Variants in GCNT1 observed in about 807,000 individuals in gnomAD.
GCNT1 encodes the protein glucosaminyl (N-acetyl) transferase 1, also known as beta-1,3-galactosyl-O-glycosyl-glycoprotein beta-1,6-N-acetylglucosaminyltransferase.
A neutral mutation model predicts 26.2 loss-of-function variants in GCNT1; 16 were observed. The ratio of observed to expected loss-of-function variants is 0.61; its 90% confidence interval spans 0.41 to 0.93. GCNT1 has a LOEUF of 0.93. GCNT1 is among the 40% of genes least tolerant of loss of function. The pLI is 0.00. For synonymous variants in GCNT1, 183 were observed against 190.8 expected, an observed-to-expected ratio of 0.96 and a Z score of 0.34; for missense variants, 477 against 526.7, an observed-to-expected ratio of 0.91 and a Z score of 0.92.
intron 2 of GCNT1, among the ~76,000 whole-genome samples, chr9:76,481,411 AT>A (rs67182156): frequency 0.19 from 27,010 of 143,776 alleles, 3,752 homozygotes; most frequent in African/African-American, 0.41. Flanking sequence ...TTTTTTTGTG[AT>A]TTTTTTTTTT....
At chr9:76,413,701 G>C in the GCNT1 span, among the ~76,000 whole-genome samples, 1 of 143,024 alleles carries the variant, frequency 7.0e-6, no homozygotes, top group South Asian at 2.2e-4. Flanking sequence ...TATCCTGCTG[G>C]ATGTACTCTG....
At chr9:76,399,419 A>T in the GCNT1 span, 8 of 1,499,076 alleles carry the variant, frequency 5.3e-6, no homozygotes, top group Admixed American at 1.7e-5. Context: ...GTTCACTGCT[A>T]CTCAGCCTGA....
At chr9:76,450,744 G>A (rs558512015) in intron 1 of GCNT1, among the ~76,000 whole-genome samples, 2 of 152,070 alleles carry the variant, frequency 1.3e-5, no homozygotes, top group African/African-American at 2.4e-5. Flanking sequence ...ATATTTTTAC[G>A]TAAACACCCC....
At chr9:76,465,339 G>C (rs970219397) in intron 2 of GCNT1, among the ~76,000 whole-genome samples, 1 of 151,930 alleles carries the variant, frequency 6.6e-6, no homozygotes, top group East Asian at 1.9e-4. Context: ...GGCCAGGCTG[G>C]TCTTGAACTC....
intron 2 of GCNT1, among the ~76,000 whole-genome samples, chr9:76,461,226 C>T (rs1376446699): frequency 1.4e-5 from 2 of 139,090 alleles, no homozygotes; most frequent in Non-Finnish European, 1.5e-5. Context: ...CCACGAATAG[C>T]TGAGAACTTT....
At chr9:76,432,342 G>T (rs1301911886) in intron 1 of GCNT1, among the ~76,000 whole-genome samples, 2 of 152,048 alleles carry the variant, frequency 1.3e-5, no homozygotes, top group Non-Finnish European at 2.9e-5. Context: ...TAATATATTT[G>T]TTTGTTTTTT....
intron 1 of GCNT1, among the ~76,000 whole-genome samples, chr9:76,428,136 G>A (rs1823280633): frequency 6.6e-6 from 1 of 151,354 alleles, no homozygotes; most frequent in Admixed American, 6.6e-5. Flanking sequence ...CGTGGTGGCG[G>A]GCGCCTGTAG....
intron 1 of GCNT1, among the ~76,000 whole-genome samples, chr9:76,425,285 C>T (rs980239709): frequency 7.9e-5 from 12 of 151,866 alleles, no homozygotes; most frequent in African/African-American, 2.7e-4. Context: ...TGCAATGGCA[C>T]GATCTTGGCT....
chr9:76,407,828 T>G, the GCNT1 span, among the ~76,000 whole-genome samples: 1 of 152,246 alleles, frequency 6.6e-6, no homozygotes, highest in Admixed American at 6.5e-5. Flanking sequence ...ATAGATCTTG[T>G]ACATATTTTG....
intron 1 of GCNT1, among the ~76,000 whole-genome samples, chr9:76,453,890 G>A (rs1360542009): frequency 2.6e-5 from 4 of 152,050 alleles, no homozygotes; most frequent in African/African-American, 9.7e-5. Flanking sequence ...AATGAGAACT[G>A]TCAAATAAAA....
chr9:76,439,114 G>A (rs1265525952), upstream of GCNT1, among the ~76,000 whole-genome samples: 2 of 152,120 alleles, frequency 1.3e-5, no homozygotes, highest in Admixed American at 1.3e-4. Flanking sequence ...TGAAAGGGTG[G>A]TTCCCAGACC....
At chr9:76,442,902 A>ATTTTTTTTTTTTTT (rs1823503718) in intron 1 of GCNT1, among the ~76,000 whole-genome samples, 1 of 150,626 alleles carries the variant, frequency 6.6e-6, no homozygotes, top group Non-Finnish European at 1.5e-5. Flanking sequence ...GCCAAAATGG[A>ATTTTTTTTTTTTTT]TTTAAAACAA....
rs1319173861 is a variant in GCNT1 at position 76,443,922 on chromosome 9, AAAGGAAGAAAGGAAGGAAGG to A, written c.-290+1615_-290+1634del. Among the ~76,000 whole-genome samples the A allele has an allele frequency of 5.3e-3, 391 of 73,580 alleles. 1 individual carries two copies. Among genetic ancestry groups the A allele is most frequent in the Middle Eastern group, 0.013 (2 of 150 alleles). 48.3% of individuals were successfully genotyped at this position (73,580 alleles called of 152,430 possible). On this transcript the variant is annotated intron_variant, in intron 1 of 2. Coordinates refer to the GCNT1 transcript ENST00000442371. ...GAAAGGAAGAAAGGAAGAAAGGAAG[AAAGGAAGAAAGGAAGGAAGG>A]AAGGAAGGAAGGAAGGAAGGAAGGA...
intron 1 of GCNT1, among the ~76,000 whole-genome samples, chr9:76,425,790 C>A (rs200020462): frequency 6.6e-6 from 1 of 152,024 alleles, no homozygotes; most frequent in African/African-American, 2.4e-5. Flanking sequence ...GAGTCAAGAG[C>A]GCTGATTGGT....
upstream of GCNT1, among the ~76,000 whole-genome samples, chr9:76,455,599 C>A (rs1290392280): frequency 2.0e-5 from 3 of 151,680 alleles, no homozygotes; most frequent in Non-Finnish European, 4.4e-5. Flanking sequence ...TTAATTTATT[C>A]TTATTTATTT....
At chr9:76,460,835 C>T (rs11144911) in intron 2 of GCNT1, among the ~76,000 whole-genome samples, 2 of 152,116 alleles carry the variant, frequency 1.3e-5, no homozygotes, top group Non-Finnish European at 2.9e-5. Context: ...CTCCTCTGCC[C>T]GTCCTTCAAC....
chr9:76,484,987 C>T (rs185151712), intron 2 of GCNT1, among the ~76,000 whole-genome samples: 3 of 152,138 alleles, frequency 2.0e-5, no homozygotes, highest in Non-Finnish European at 4.4e-5. Context: ...CGGGGTTTCA[C>T]CATGTTGGCC....
chr9:76,394,191 A>G, the GCNT1 span: 2 of 1,571,214 alleles, frequency 1.3e-6, no homozygotes, highest in Non-Finnish European at 1.7e-6. Flanking sequence ...CGCTCGGGGA[A>G]TGGGCTGCGG....
upstream of GCNT1, among the ~76,000 whole-genome samples, chr9:76,418,071 G>A (rs1218906440): frequency 3.3e-5 from 5 of 152,148 alleles, no homozygotes; most frequent in African/African-American, 1.2e-4. Flanking sequence ...GGAGACATGA[G>A]ACATCAATCA....
Sources: gnomAD v4.1 joint callset for allele counts (sites outside exome capture counted in the v4.1 genomes callset) on GRCh38, gnomAD v4.1.1 for gene constraint, MANE v1.5 for transcripts, NCBI Gene and HGNC (gene_info 2026-07-23, HGNC 2026-07-21) for gene names.